The following TAF4B variants were observed in gnomAD, a reference collection of about 807,000 sequenced individuals.
TAF4B encodes TATA-box binding protein associated factor 4b, also known as transcription initiation factor TFIID subunit 4B.
TAF4B carries 38 observed loss-of-function variants against 86.4 expected under a neutral mutation model. The observed-to-expected ratio is 0.44, with a 90% CI of 0.34 to 0.58. TAF4B has a LOEUF of 0.58. Ranked by LOEUF, TAF4B falls within the 20% of genes least tolerant of loss-of-function variation. TAF4B has a pLI of 0.02. For missense variants in TAF4B, 988 were observed against 1,027.6 expected (o/e 0.96, Z 0.53); for synonymous variants, 388 against 391.2 (o/e 0.99, Z 0.10).
At chr18:26,309,626 A>G (rs1183665032) in intron 9 of TAF4B, among the ~76,000 whole-genome samples, 4 of 152,186 alleles carry the variant, frequency 2.6e-5, no homozygotes, top group Middle Eastern at 6.8e-3. Context: ...TTGTTAAAGT[A>G]TGTTATTTAT....
At chr18:26,240,369 G>C (rs1358220283) in intron 1 of TAF4B, among the ~76,000 whole-genome samples, 1 of 152,170 alleles carries the variant, frequency 6.6e-6, no homozygotes, top group Admixed American at 6.5e-5. Context: ...GTTCCCTCAG[G>C]ATTTGGCTCT....
chr18:26,376,458 AATTTT>A (rs952091956), intron 14 of TAF4B, among the ~76,000 whole-genome samples: 1 of 151,110 alleles, frequency 6.6e-6, no homozygotes, highest in African/African-American at 2.4e-5. Context: ...TTGGTTTCTT[AATTTT>A]ATTTTTGGGT....
chr18:26,287,007 C>G (rs1269662108), intron 7 of TAF4B, among the ~76,000 whole-genome samples: 1 of 152,114 alleles, frequency 6.6e-6, no homozygotes. Context: ...ACACGTAAGT[C>G]TTTACTGAAC....
chr18:26,345,672 T>C (rs1453932077), intron 13 of TAF4B, among the ~76,000 whole-genome samples: 1 of 152,068 alleles, frequency 6.6e-6, no homozygotes, highest in Non-Finnish European at 1.5e-5. Context: ...TTCATATGAG[T>C]AAATTTTTCT....
At chr18:26,297,388 T>A (rs1480197450) in intron 9 of TAF4B, among the ~76,000 whole-genome samples, 1 of 152,134 alleles carries the variant, frequency 6.6e-6, no homozygotes, top group East Asian at 1.9e-4. Context: ...AGTTCTAGAG[T>A]TGCAGCAAGT....
intron 1 of TAF4B, among the ~76,000 whole-genome samples, chr18:26,247,872 T>C (rs2055949648): frequency 6.6e-6 from 1 of 151,236 alleles, no homozygotes; most frequent in Non-Finnish European, 1.5e-5. Flanking sequence ...CAAGACTCTG[T>C]CTCAAAAAAA....
At chr18:26,387,394 GT>G (rs1396753898) in intron 14 of TAF4B, among the ~76,000 whole-genome samples, 1 of 152,150 alleles carries the variant, frequency 6.6e-6, no homozygotes, top group East Asian at 1.9e-4. Context: ...CCAATTACAT[GT>G]TTTAGTAACT....
intron 13 of TAF4B, among the ~76,000 whole-genome samples, chr18:26,346,873 A>ATGTG (rs1205361383): frequency 0.063 from 759 of 12,030 alleles, 121 homozygotes; most frequent in African/African-American, 0.1. Flanking sequence ...ATATATATAT[A>ATGTG]TGTGTATATA....
intron 9 of TAF4B, among the ~76,000 whole-genome samples, chr18:26,305,474 C>T (rs1370767385): frequency 6.6e-6 from 1 of 152,214 alleles, no homozygotes; most frequent in Admixed American, 6.5e-5. Flanking sequence ...GTGGTGCGAT[C>T]TCAGCTCACC....
intron 13 of TAF4B, among the ~76,000 whole-genome samples, chr18:26,355,258 C>T (rs983855175): frequency 2.0e-5 from 3 of 152,154 alleles, no homozygotes; most frequent in African/African-American, 7.2e-5. Flanking sequence ...ACTCACTTAT[C>T]AGTCTTAGGA....
intron 7 of TAF4B, among the ~76,000 whole-genome samples, chr18:26,290,837 G>A (rs762291726): frequency 2.0e-5 from 3 of 152,128 alleles, no homozygotes; most frequent in African/African-American, 2.4e-5. Flanking sequence ...AAGGAAATAA[G>A]CTGGGAGTGT....
chr18:26,354,098 T>C (rs2057267002), intron 13 of TAF4B, among the ~76,000 whole-genome samples: 1 of 152,186 alleles, frequency 6.6e-6, no homozygotes, highest in South Asian at 2.1e-4. Flanking sequence ...TTGTTTGAGA[T>C]AGAATCTCAC....
intron 14 of TAF4B, among the ~76,000 whole-genome samples, chr18:26,382,393 G>A (rs186074792): frequency 2.6e-5 from 4 of 152,166 alleles, no homozygotes; most frequent in Admixed American, 2.6e-4. Context: ...TGTTTATTTG[G>A]CTTTTTGCTG....
At chr18:26,250,949 A>G (rs910927405) in intron 1 of TAF4B, among the ~76,000 whole-genome samples, 5 of 152,132 alleles carry the variant, frequency 3.3e-5, no homozygotes, top group Admixed American at 3.3e-4. Flanking sequence ...TGATTGCTTT[A>G]ATTTTTTCTT....
intron 5 of TAF4B, among the ~76,000 whole-genome samples, 170 bp downstream of exon 5, chr18:26,275,223 T>C (rs1415446185): frequency 6.6e-6 from 1 of 152,252 alleles, no homozygotes; most frequent in African/African-American, 2.4e-5. Context: ...TGGCGTGATC[T>C]AGGCTGACTG....
At chr18:26,307,819 C>T (rs1029166114) in intron 9 of TAF4B, among the ~76,000 whole-genome samples, 1 of 152,024 alleles carries the variant, frequency 6.6e-6, no homozygotes, top group African/African-American at 2.4e-5. Context: ...TTATGTATTA[C>T]GAGTCTGTTT....
intron 9 of TAF4B, among the ~76,000 whole-genome samples, chr18:26,303,021 CCTT>C (rs998665272): frequency 7.2e-6 from 1 of 138,916 alleles, no homozygotes; most frequent in African/African-American, 2.5e-5. Flanking sequence ...ACCTACTTCT[CCTT>C]CTTCTTTATT....
chr18:26,298,700 CT>C (rs972048461), intron 9 of TAF4B, among the ~76,000 whole-genome samples: 10 of 149,026 alleles, frequency 6.7e-5, no homozygotes, highest in South Asian at 2.1e-4. Context: ...GCCCAAGTAA[CT>C]TTTTTTTTTA....
intron 9 of TAF4B, chr18:26,295,237 T>C: frequency 2.5e-6 from 1 of 400,128 alleles, no homozygotes; most frequent in Non-Finnish European, 5.0e-6. Context: ...ACCATCGGTC[T>C]TTTTTTCTGT....
Sources: allele counts gnomAD v4.1 joint callset (sites outside exome capture counted in the v4.1 genomes callset), GRCh38; gene constraint gnomAD v4.1.1; transcripts MANE v1.5; gene names NCBI Gene and HGNC (gene_info 2026-07-23, HGNC 2026-07-21).